Variants in LRP1B observed in about 807,000 individuals in gnomAD.
The protein encoded by LRP1B is LDL receptor related protein 1B.
A neutral mutation model predicts 556.6 loss-of-function variants in LRP1B; 217 were observed. The observed-to-expected ratio is 0.39, with a 90% CI of 0.35 to 0.44. The LOEUF is 0.44. LRP1B is among the 20% of genes least tolerant of loss of function. The pLI, the probability that LRP1B is intolerant of heterozygous loss-of-function variation, is 1.00. For synonymous variants in LRP1B, 2,047 were observed against 1,865.8 expected (o/e 1.10, Z -2.50); for missense variants, 5,053 against 5,620.8 (o/e 0.90, Z 3.23).
chr2:141,349,934 A>C (rs1343273089), intron 3 of LRP1B, among the ~76,000 whole-genome samples: 1 of 152,138 alleles, frequency 6.6e-6, no homozygotes, highest in Non-Finnish European at 1.5e-5. Context: ...GACAATTTAC[A>C]AAAGAAAGAG....
At chr2:140,279,504 T>C (rs533691489) in intron 84 of LRP1B, among the ~76,000 whole-genome samples, 1 of 152,134 alleles carries the variant, frequency 6.6e-6, no homozygotes, top group South Asian at 2.1e-4. Flanking sequence ...CAAGCATCTA[T>C]GTAAACTTGT....
intron 2 of LRP1B, among the ~76,000 whole-genome samples, chr2:141,588,274 C>T (rs1454715715): frequency 2.6e-5 from 4 of 151,360 alleles, no homozygotes; most frequent in African/African-American, 9.7e-5. Flanking sequence ...AGTGTGTTGG[C>T]TCCTTGGCAG....
intron 3 of LRP1B, among the ~76,000 whole-genome samples, chr2:141,279,793 C>T (rs1401525411): frequency 6.6e-6 from 1 of 151,964 alleles, no homozygotes; most frequent in Non-Finnish European, 1.5e-5. Flanking sequence ...AGGGATAATA[C>T]AATAGGTTGT....
At chr2:141,198,621 G>A (rs1681853432) in intron 6 of LRP1B, among the ~76,000 whole-genome samples, 1 of 152,014 alleles carries the variant, frequency 6.6e-6, no homozygotes, top group Admixed American at 6.6e-5. Context: ...ACAGGTGACT[G>A]GGCTTTTGTA....
chr2:140,701,968 A>G, intron 39 of LRP1B, 123 bp from the exon 40 acceptor site: 1 of 1,349,320 alleles, frequency 7.4e-7, no homozygotes, highest in Non-Finnish European at 1.0e-6. Context: ...AGTCTGTGAC[A>G]TTGAAATGCT....
At chr2:141,538,668 GCT>G (rs139426193) in intron 2 of LRP1B, among the ~76,000 whole-genome samples, 48,885 of 147,074 alleles carry the variant, frequency 0.33, 9,239 homozygotes, top group Non-Finnish European at 0.43. Context: ...ACACAGTCTC[GCT>G]CTGTCACCCA....
chr2:140,673,937 CTTTTTTCT>C (rs1224423147), intron 41 of LRP1B, among the ~76,000 whole-genome samples: 29 of 147,024 alleles, frequency 2.0e-4, no homozygotes, highest in African/African-American at 7.2e-4. Context: ...TATCTCTTTT[CTTTTTTCT>C]TTTTTTTTTT....
chr2:140,360,294 C>T (rs1161725102), intron 72 of LRP1B, among the ~76,000 whole-genome samples: 1 of 151,410 alleles, frequency 6.6e-6, no homozygotes, highest in African/African-American at 2.4e-5. Context: ...ATATGTTACA[C>T]TCCATCCCTG....
chr2:141,925,370 G>A (rs1700306399), intron 1 of LRP1B, among the ~76,000 whole-genome samples: 1 of 152,106 alleles, frequency 6.6e-6, no homozygotes, highest in African/African-American at 2.4e-5. Flanking sequence ...TATTACAAAT[G>A]AAGAGTTTGA....
chr2:142,017,046 C>T (rs926081207), intron 1 of LRP1B, among the ~76,000 whole-genome samples: 2 of 151,442 alleles, frequency 1.3e-5, no homozygotes, highest in Non-Finnish European at 2.9e-5. Context: ...AGCAAGAAAG[C>T]TGCATCTGAG....
chr2:141,902,907 T>C (rs1699661495), intron 1 of LRP1B, among the ~76,000 whole-genome samples: 1 of 151,974 alleles, frequency 6.6e-6, no homozygotes, highest in African/African-American at 2.4e-5. Context: ...GTCATTGACA[T>C]TGCTTATAAT....
chr2:140,548,007 T>C (rs9287536), intron 43 of LRP1B, among the ~76,000 whole-genome samples: 51,637 of 149,622 alleles, frequency 0.35, 9,729 homozygotes, highest in South Asian at 0.45. Flanking sequence ...TGCAAAGGAA[T>C]GGTAATCAAG....
At position 140,615,309 on chromosome 2, in the gene LRP1B, A is replaced by C. The variant is rs571491345; in HGVS notation, c.6800-13670T>G. ...CCCTCTATGGTTTCATCCCTGACCC[A>C]ACAATCATCATTCCCCATTCCCTAG... On this transcript the variant is annotated intron_variant, in intron 41 of 90. Coordinates refer to ENST00000389484, the MANE Select transcript of LRP1B (RefSeq NM_018557.3). Among the ~76,000 whole-genome samples the C allele has an allele frequency of 2.6e-5, 4 of 152,184 alleles. No individual in the cohort carries two copies. The South Asian group carries it at 6.2e-4, about 24-fold the overall frequency.
chr2:141,206,604 T>C (rs954258017), intron 6 of LRP1B, among the ~76,000 whole-genome samples: 12 of 151,432 alleles, frequency 7.9e-5, no homozygotes, highest in African/African-American at 2.9e-4. Context: ...AAATAAAGAA[T>C]CGCCACTATT....
chr2:141,901,706 T>C (rs1017906915), intron 1 of LRP1B, among the ~76,000 whole-genome samples: 15 of 151,914 alleles, frequency 9.9e-5, no homozygotes, highest in African/African-American at 3.4e-4. Flanking sequence ...GAGAAATTCA[T>C]GAAACCATTA....
chr2:141,723,692 G>T (rs2105503992), intron 2 of LRP1B, among the ~76,000 whole-genome samples: 1 of 151,910 alleles, frequency 6.6e-6, no homozygotes, highest in Non-Finnish European at 1.5e-5. Context: ...ATGGCTTGCA[G>T]AAAGAGATAT....
intron 2 of LRP1B, among the ~76,000 whole-genome samples, chr2:141,518,764 C>A (rs965063494): frequency 6.6e-6 from 1 of 152,016 alleles, no homozygotes; most frequent in African/African-American, 2.4e-5. Context: ...GCCTGGCCAA[C>A]ATGGTGAAAC....
intron 27 of LRP1B, among the ~76,000 whole-genome samples, chr2:140,866,437 T>G (rs1444093349): frequency 6.6e-6 from 1 of 152,070 alleles, no homozygotes; most frequent in South Asian, 2.1e-4. Context: ...TATAATGTCC[T>G]CATGCTTTTT....
intron 1 of LRP1B, among the ~76,000 whole-genome samples, chr2:142,045,374 A>G (rs1704220871): frequency 6.6e-6 from 1 of 151,880 alleles, no homozygotes; most frequent in Non-Finnish European, 1.5e-5. Context: ...TTGCTTTTCA[A>G]GGAACGTTCT....
Sources: gnomAD v4.1 joint callset for allele counts (sites outside exome capture counted in the v4.1 genomes callset) on GRCh38, gnomAD v4.1.1 for gene constraint, MANE v1.5 for transcripts, NCBI Gene and HGNC (gene_info 2026-07-23, HGNC 2026-07-21) for gene names.